Variants in SLFN12L observed in about 807,000 individuals in gnomAD.
SLFN12L encodes the protein schlafen family member 12-like.
In SLFN12L, 34 loss-of-function variants were observed where a neutral mutation model predicts 34.8. The ratio of observed to expected loss-of-function variants is 0.98; its 90% CI spans 0.74 to 1.30. The LOEUF (loss-of-function observed/expected upper bound fraction) is 1.30. SLFN12L is among the 50% of genes most tolerant of loss of function. The pLI, the probability that SLFN12L is intolerant of heterozygous loss-of-function variation, is 0.00. For synonymous variants in SLFN12L, 259 were observed against 247.5 expected (o/e 1.05, Z -0.44); for missense variants, 703 against 696.2 (o/e 1.01, Z -0.11).
intron 2 of SLFN12L, among the ~76,000 whole-genome samples, chr17:35,488,593 C>T (rs554125600): frequency 5.6e-4 from 85 of 152,256 alleles, no homozygotes; most frequent in African/African-American, 2.0e-3. Flanking sequence ...AGAACCCATA[C>T]TTTTTGAAAT....
chr17:35,515,629 G>C (rs1311269251), intron 2 of SLFN12L, among the ~76,000 whole-genome samples: 1 of 116,834 alleles, frequency 8.6e-6, no homozygotes, highest in Non-Finnish European at 1.7e-5. Context: ...CACCACGCCC[G>C]GCAATTTTTT....
At chr17:35,497,065 T>C (rs1355098290) in intron 2 of SLFN12L, among the ~76,000 whole-genome samples, 1 of 152,118 alleles carries the variant, frequency 6.6e-6, no homozygotes, top group Non-Finnish European at 1.5e-5. Context: ...CTAGGCAGCC[T>C]GGGCAACAAA....
At chr17:35,533,432 G>A (rs1272451860) in intron 1 of SLFN12L, among the ~76,000 whole-genome samples, 1 of 152,192 alleles carries the variant, frequency 6.6e-6, no homozygotes, top group African/African-American at 2.4e-5. Context: ...TGAGGAGGTT[G>A]ACAGTAAACA....
At chr17:35,515,767 A>G (rs2142163163) in intron 2 of SLFN12L, among the ~76,000 whole-genome samples, 2 of 148,654 alleles carry the variant, frequency 1.3e-5, no homozygotes, top group East Asian at 4.0e-4. Flanking sequence ...ACCCAGCCGC[A>G]TGAGTAACTG....
Position 35,479,848 on chromosome 17 carries a change from A to C in SLFN12L, c.434T>G (p.Phe145Cys). ...GCTCCATGATTTCACAAAAATGTGA[A>C]AGTAGTTACCATTCTGCATGAAGTC... Reference protein sequence around the residue: ...FLDFMQNGNYFHIFVKSWSLE... With the variant: ...FLDFMQNGNYCHIFVKSWSLE... Residue 145 changes from phenylalanine to cysteine, a missense_variant, in exon 3 of 5, where the codon TTT becomes TGT. Physicochemically the swap from Phe to Cys is radical, Grantham distance 205. Transcript: ENST00000628453. 6.2e-7 allele frequency: 1 copy of C among 1,606,872 alleles called. No individual in the cohort carries two copies. Among genetic ancestry groups the C allele is most frequent in the South Asian group, 1.1e-5 (1 of 90,346 alleles).
In SLFN12L at chr17:35,511,610, C is replaced by CAG. The variant is rs1026008445; in HGVS notation, c.86+10667_86+10668dup. On this transcript the variant is annotated intron_variant, in intron 2 of 4. Transcript: ENST00000628453. Reference sequence around the variant, plus strand: ...ACACACACACACACACACACACACACAGAGCCCCTATAGTCCTAGCTACTC... The same window carrying CAG: ...ACACACACACACACACACACACACACAGAGAGCCCCTATAGTCCTAGCTACTC... Among the ~76,000 whole-genome samples the CAG allele has an allele frequency of 1.4e-4, 20 of 146,482 alleles. No homozygotes were observed. The South Asian group carries it at 3.3e-3, about 24-fold the overall frequency.
At chr17:35,508,921 A>G (rs974692018) in intron 2 of SLFN12L, among the ~76,000 whole-genome samples, 2 of 152,230 alleles carry the variant, frequency 1.3e-5, no homozygotes, top group South Asian at 4.1e-4. Flanking sequence ...GACATCTTGT[A>G]ACAGTAGACC....
At chr17:35,511,584 TACAC>T (rs58683369) in intron 2 of SLFN12L, among the ~76,000 whole-genome samples, 63,945 of 148,288 alleles carry the variant, frequency 0.43, 15,361 homozygotes, top group Non-Finnish European at 0.54. Context: ...CACACACACA[TACAC>T]ACACACACAC....
chr17:35,514,738 G>A (rs1915758764), intron 2 of SLFN12L: 1 of 386,058 alleles, frequency 2.6e-6, no homozygotes, highest in Non-Finnish European at 5.0e-6. Context: ...TATTTTAACT[G>A]AGATTTTATT....
chr17:35,533,848 A>C (rs1215498010), intron 1 of SLFN12L, among the ~76,000 whole-genome samples: 3 of 151,046 alleles, frequency 2.0e-5, no homozygotes, highest in African/African-American at 7.3e-5. Context: ...TGGGAGGCCG[A>C]GGCGGGCAGA....
At chr17:35,537,049 A>G (rs1415745638) in intron 1 of SLFN12L, among the ~76,000 whole-genome samples, 3 of 152,046 alleles carry the variant, frequency 2.0e-5, no homozygotes, top group Non-Finnish European at 4.4e-5. Flanking sequence ...CCTCACGCTC[A>G]GTGCCTGTAG....
chr17:35,483,915 A>T (rs1477063050), intron 2 of SLFN12L, among the ~76,000 whole-genome samples: 4 of 151,984 alleles, frequency 2.6e-5, no homozygotes, highest in African/African-American at 9.7e-5. Flanking sequence ...ATGTGTAAAC[A>T]ATAATAAAAT....
chr17:35,511,160 G>C (rs1915630694), intron 2 of SLFN12L, among the ~76,000 whole-genome samples: 1 of 152,062 alleles, frequency 6.6e-6, no homozygotes, highest in African/African-American at 2.4e-5. Context: ...AAGATGCAGA[G>C]TTCTTTTCTT....
intron 2 of SLFN12L, among the ~76,000 whole-genome samples, chr17:35,487,474 C>A (rs558573136): frequency 2.1e-4 from 32 of 152,246 alleles, no homozygotes; most frequent in East Asian, 1.4e-3. Flanking sequence ...ACGGACCACC[C>A]CCCCCGGACC....
chr17:35,475,942 T>G (rs1913984702), intron 4 of SLFN12L, among the ~76,000 whole-genome samples: 1 of 146,676 alleles, frequency 6.8e-6, no homozygotes. Context: ...AATTTATATA[T>G]ATGTATATAT....
At chr17:35,487,451 C>T (rs1158984620) in intron 2 of SLFN12L, among the ~76,000 whole-genome samples, 1 of 152,160 alleles carries the variant, frequency 6.6e-6, no homozygotes, top group South Asian at 2.1e-4. Flanking sequence ...CGCCCCACCT[C>T]GTCCCGGAGC....
intron 2 of SLFN12L, among the ~76,000 whole-genome samples, chr17:35,515,406 T>C (rs1915785170): frequency 1.3e-5 from 2 of 152,180 alleles, no homozygotes; most frequent in African/African-American, 4.8e-5. Flanking sequence ...ACTGAGTTTA[T>C]ATTATTTTCT....
chr17:35,533,974 A>G lies in SLFN12L; in HGVS notation c.-606+3599T>C, dbSNP rs149349937. On this transcript the variant is annotated intron_variant, in intron 1 of 4. Transcript: ENST00000628453. Reference sequence around the variant, plus strand: ...GTAGTCCCAGCTACTTGGGAGGCTGAGGCACGAGAATTGCTTTAACCTGGG... The same window carrying G: ...GTAGTCCCAGCTACTTGGGAGGCTGGGGCACGAGAATTGCTTTAACCTGGG... Among the ~76,000 whole-genome samples the G allele has an allele frequency of 7.0e-3, 1,069 of 152,308 alleles. 4 individuals are homozygous for G. Among genetic ancestry groups the G allele is most frequent in the Non-Finnish European group, 0.012 (807 of 68,014 alleles).
At chr17:35,481,927 C>G (rs1188229421) in intron 2 of SLFN12L, among the ~76,000 whole-genome samples, 1 of 152,204 alleles carries the variant, frequency 6.6e-6, no homozygotes, top group Non-Finnish European at 1.5e-5. Context: ...ATGGCACAAT[C>G]TCAGGTCACT....
Sources: allele counts gnomAD v4.1 joint callset (sites outside exome capture counted in the v4.1 genomes callset), GRCh38; gene constraint gnomAD v4.1.1; transcripts MANE v1.5; gene names NCBI Gene and HGNC (gene_info 2026-07-23, HGNC 2026-07-21).